USP49: variants seen among roughly 807,000 people sequenced by gnomAD.
USP49 encodes ubiquitin specific peptidase 49, also known as ubiquitin carboxyl-terminal hydrolase 49.
A neutral mutation model predicts 58.6 loss-of-function variants in USP49; 24 were observed. The observed-to-expected ratio is 0.41, with a 90% CI of 0.30 to 0.58. The LOEUF (loss-of-function observed/expected upper bound fraction) is 0.58, where lower values mean the gene tolerates loss of function less well. Among genes scored for constraint, USP49 ranks in the 20% least tolerant of loss-of-function variants. USP49 has a pLI of 0.30. For missense variants in USP49, 703 were observed against 866.1 expected (o/e 0.81, Z 2.36); for synonymous variants, 408 against 365.1 (o/e 1.12, Z -1.34).
At chr6:41,819,569 A>T (rs1773418719) in intron 3 of USP49, among the ~76,000 whole-genome samples, 1 of 152,240 alleles carries the variant, frequency 6.6e-6, no homozygotes, top group Non-Finnish European at 1.5e-5. Flanking sequence ...ATTATACCTC[A>T]GTACAGTTGT....
intron 3 of USP49, among the ~76,000 whole-genome samples, chr6:41,859,388 T>A (rs1774181519): frequency 6.6e-6 from 1 of 152,174 alleles, no homozygotes; most frequent in South Asian, 2.1e-4. Context: ...TACTTATCCA[T>A]CACATCTTGG....
intron 3 of USP49, among the ~76,000 whole-genome samples, chr6:41,865,185 C>T (rs1210758954): frequency 6.6e-6 from 1 of 152,044 alleles, no homozygotes; most frequent in Non-Finnish European, 1.5e-5. Flanking sequence ...GCTAGGATTA[C>T]AGGCACCCGC....
chr6:41,828,147 A>T (rs1019245559), intron 3 of USP49, among the ~76,000 whole-genome samples: 2 of 152,148 alleles, frequency 1.3e-5, no homozygotes, highest in Admixed American at 6.6e-5. Flanking sequence ...ACCAAAACTA[A>T]TAAGAACTAA....
chr6:41,876,381 C>T (rs1774505129), intron 2 of USP49, among the ~76,000 whole-genome samples: 1 of 151,958 alleles, frequency 6.6e-6, no homozygotes, highest in Admixed American at 6.6e-5. Context: ...TCATAAATGA[C>T]TTTTTAAATC....
At position 41,801,639 on chromosome 6, in the gene USP49, T is replaced by C. The variant is rs370953602; in HGVS notation, c.1562-1701A>G. On this transcript the variant is annotated intron_variant, in intron 5 of 7. Coordinates refer to ENST00000682992, the MANE Select transcript of USP49 (RefSeq NM_001286554.2). Reference sequence around the variant, plus strand: ...AGCAGAGGGAGTATGTGAGCTAAGATGAAGACAATATAGAGTCAGGCTTTG... The same window carrying C: ...AGCAGAGGGAGTATGTGAGCTAAGACGAAGACAATATAGAGTCAGGCTTTG... 1.1e-3 allele frequency among the ~76,000 whole-genome samples: 167 copies of C among 152,346 alleles called. 7 individuals carry two copies. In the South Asian group the frequency reaches 0.033, roughly 30 times the overall value.
intron 3 of USP49, among the ~76,000 whole-genome samples, chr6:41,826,266 A>C (rs1773536339): frequency 6.6e-6 from 1 of 152,112 alleles, no homozygotes; most frequent in Admixed American, 6.5e-5. Context: ...GTGAGACCCC[A>C]TCTCAAAAGA....
intron 3 of USP49, among the ~76,000 whole-genome samples, chr6:41,827,622 T>C (rs1333390473): frequency 7.7e-6 from 1 of 130,536 alleles, no homozygotes; most frequent in Non-Finnish European, 1.5e-5. Flanking sequence ...ATCGCACCAC[T>C]ACCCTCCAGC....
chr6:41,804,749 T>C (rs1351246611), intron 4 of USP49, among the ~76,000 whole-genome samples: 1 of 151,982 alleles, frequency 6.6e-6, no homozygotes, highest in Non-Finnish European at 1.5e-5. Flanking sequence ...GTTTTTTTGT[T>C]TGTTTTTTGG....
At chr6:41,862,731 A>G (rs545244871) in intron 3 of USP49, among the ~76,000 whole-genome samples, 13 of 152,200 alleles carry the variant, frequency 8.5e-5, no homozygotes, top group African/African-American at 1.4e-4. Context: ...TTAGATGTTC[A>G]TATCTTTAAC....
intron 3 of USP49, among the ~76,000 whole-genome samples, chr6:41,848,938 A>T (rs1165876878): frequency 1.3e-5 from 2 of 151,876 alleles, no homozygotes; most frequent in East Asian, 3.9e-4. Flanking sequence ...GCCTCAAGTG[A>T]TCTTCTTGTC....
At chr6:41,862,806 C>T (rs1209374185) in intron 3 of USP49, among the ~76,000 whole-genome samples, 1 of 152,168 alleles carries the variant, frequency 6.6e-6, no homozygotes, top group Non-Finnish European at 1.5e-5. Context: ...GACAGAGTCA[C>T]TCTGTCGCCC....
chr6:41,831,898 G>A (rs575972888), intron 3 of USP49, among the ~76,000 whole-genome samples: 5 of 152,086 alleles, frequency 3.3e-5, no homozygotes, highest in Non-Finnish European at 7.4e-5. Flanking sequence ...TTCTTCAGAC[G>A]TCCCAAGAAC....
chr6:41,826,108 AC>A (rs1391534956), intron 3 of USP49, among the ~76,000 whole-genome samples: 1 of 152,136 alleles, frequency 6.6e-6, no homozygotes, highest in Non-Finnish European at 1.5e-5. Context: ...TACAAAAAAT[AC>A]AAAAAGTTAT....
intron 3 of USP49, among the ~76,000 whole-genome samples, chr6:41,864,539 G>T (rs898117714): frequency 6.6e-6 from 1 of 152,012 alleles, no homozygotes; most frequent in Non-Finnish European, 1.5e-5. Flanking sequence ...CTCCAGCCTC[G>T]GCGACAGAGT....
intron 2 of USP49, among the ~76,000 whole-genome samples, chr6:41,883,680 G>A (rs932773365): frequency 1.3e-5 from 2 of 151,882 alleles, no homozygotes; most frequent in Non-Finnish European, 2.9e-5. Flanking sequence ...ATTACTAAAA[G>A]GCCAAAATTA....
At chr6:41,835,794 C>T (rs1373573132) in intron 3 of USP49, among the ~76,000 whole-genome samples, 1 of 151,458 alleles carries the variant, frequency 6.6e-6, no homozygotes, top group East Asian at 1.9e-4. Flanking sequence ...TATAAATTGG[C>T]TGGGCACAGT....
intron 4 of USP49, among the ~76,000 whole-genome samples, chr6:41,805,344 A>AATATTATATTATATATATATATATAT (rs1773090353): frequency 6.6e-6 from 1 of 152,160 alleles, no homozygotes; most frequent in Non-Finnish European, 1.5e-5. Flanking sequence ...TAACAATGAG[A>AATATTATATTATATATATATATATAT]ATATTATATT....
intron 5 of USP49, among the ~76,000 whole-genome samples, chr6:41,802,323 CA>C (rs1270633175): frequency 6.6e-6 from 1 of 151,218 alleles, no homozygotes; most frequent in Admixed American, 6.6e-5. Flanking sequence ...CACCTGGCCT[CA>C]AGCCTGACTT....
chr6:41,858,502 A>G (rs917078821), intron 3 of USP49, among the ~76,000 whole-genome samples: 1 of 152,000 alleles, frequency 6.6e-6, no homozygotes, highest in African/African-American at 2.4e-5. Context: ...TATCTTTATA[A>G]TGACCAATCA....
Sources: gnomAD v4.1 joint callset for allele counts (sites outside exome capture counted in the v4.1 genomes callset) on GRCh38, gnomAD v4.1.1 for gene constraint, MANE v1.5 for transcripts, NCBI Gene and HGNC (gene_info 2026-07-23, HGNC 2026-07-21) for gene names.